Variants in FAM78B observed in about 807,000 individuals in gnomAD.
The protein encoded by FAM78B is family with sequence similarity 78 member B.
A neutral mutation model predicts 20.0 loss-of-function variants in FAM78B; 10 were observed. The ratio of observed to expected loss-of-function variants is 0.50; its 90% CI spans 0.31 to 0.85. The LOEUF is 0.85. FAM78B is among the 40% of genes least tolerant of loss of function. FAM78B has a pLI of 0.05. For synonymous variants in FAM78B, 135 were observed against 132.8 expected (o/e 1.02, Z -0.12); for missense variants, 283 against 345.0 (o/e 0.82, Z 1.42).
intron 1 of FAM78B, among the ~76,000 whole-genome samples, chr1:166,132,994 G>T (rs531810476): frequency 6.6e-6 from 1 of 152,286 alleles, no homozygotes; most frequent in Admixed American, 6.5e-5. Context: ...GCTGATCTAA[G>T]GTTATCAGCA....
chr1:166,130,376 GAGA>G (rs1196664318), intron 1 of FAM78B, among the ~76,000 whole-genome samples: 1 of 152,232 alleles, frequency 6.6e-6, no homozygotes, highest in Non-Finnish European at 1.5e-5. Context: ...TGGAATGCCA[GAGA>G]AGGAGGAAGA....
chr1:166,086,642 T>C (rs1225533436), intron 1 of FAM78B, among the ~76,000 whole-genome samples: 2 of 152,208 alleles, frequency 1.3e-5, no homozygotes, highest in African/African-American at 2.4e-5. Context: ...CACATTTCAC[T>C]GCATGCTGAG....
At position 166,166,309 on chromosome 1, in the gene FAM78B, C is replaced by G. The variant is rs1424301785; in HGVS notation, c.-61G>C. 6 of 1,142,028 alleles carry G rather than the reference C, an allele frequency of 5.3e-6. No homozygotes were observed. The highest frequency in any genetic ancestry group is 1.6e-5 in the African/African-American group (1 of 60,936). The allele number at this position is 1,142,028 out of a possible 1,614,324, so 70.7% of individuals were successfully genotyped here. On this transcript the variant is annotated 5_prime_UTR_variant, in exon 1 of 2. Coordinates refer to ENST00000354422, the MANE Select transcript of FAM78B (RefSeq NM_001017961.5). The stretch of plus-strand genomic sequence containing the variant: ...CAGCGCGGGGGCCCGCGCGGGCAGC[C>G]GGGGGCGCCCGTCACGCCGGCATGG...
At chr1:166,113,790 A>G (rs1376788192) in intron 1 of FAM78B, among the ~76,000 whole-genome samples, 3 of 152,178 alleles carry the variant, frequency 2.0e-5, no homozygotes, top group Non-Finnish European at 2.9e-5. Context: ...CAGGCATAGG[A>G]GATGGGCCAG....
rs188788608 is a variant in FAM78B at position 166,099,760 on chromosome 1, C to G, written c.264-28997G>C. ...AACATATATGTACCTAACACTGAAGCTTGCAAATTTATAAAACAATTACTA... is the reference window on the plus strand; with the variant it reads ...AACATATATGTACCTAACACTGAAGGTTGCAAATTTATAAAACAATTACTA... On this transcript the variant is annotated intron_variant, in intron 1 of 1. Coordinates refer to ENST00000354422, the MANE Select transcript of FAM78B (RefSeq NM_001017961.5). Among the ~76,000 whole-genome samples, 160 of 152,202 alleles carry G rather than the reference C, an allele frequency of 1.1e-3. 1 individual carries two copies. Among genetic ancestry groups the G allele is most frequent in the African/African-American group, 3.7e-3 (155 of 41,502 alleles).
exon 3 of FAM78B, chr1:166,058,765 C>T (rs1651457798): frequency 1.3e-5 from 2 of 152,538 alleles, no homozygotes; most frequent in South Asian, 4.2e-4. Flanking sequence ...CGTGTACACG[C>T]ACTCACACAC....
At chr1:166,155,778 C>A (rs928279480) in intron 1 of FAM78B, among the ~76,000 whole-genome samples, 3 of 152,122 alleles carry the variant, frequency 2.0e-5, no homozygotes, top group African/African-American at 7.2e-5. Context: ...GGAGGCTCAG[C>A]GTGTGTGGTC....
chr1:166,143,098 T>TTA (rs1655335955), intron 1 of FAM78B, among the ~76,000 whole-genome samples: 1 of 152,226 alleles, frequency 6.6e-6, no homozygotes. Context: ...AATTTCCTCA[T>TTA]CTTTAAGTAG....
intron 1 of FAM78B, among the ~76,000 whole-genome samples, chr1:166,159,959 C>T (rs137936683): frequency 6.6e-6 from 1 of 152,236 alleles, no homozygotes; most frequent in South Asian, 2.1e-4. Context: ...AATAAAGGAA[C>T]TGGATCCTGC....
In FAM78B at chr1:166,106,904, CA is replaced by C. The variant is rs752965087; in HGVS notation, c.264-36142del. On this transcript the variant is annotated intron_variant, in intron 1 of 1. Coordinates refer to ENST00000354422, the MANE Select transcript of FAM78B (RefSeq NM_001017961.5). ...AGTTGAAGTTATATCAAAAAACTTT[CA>C]TCAATAAAAACATATACAAAAGTAA... 5.3e-5 allele frequency among the ~76,000 whole-genome samples: 8 copies of C among 151,916 alleles called. No individual in the cohort carries two copies. The South Asian group carries it at 1.7e-3, about 32-fold the overall frequency.
rs189195149 is a variant in FAM78B, at chr1:166,103,419, G to C, written c.264-32656C>G. ...AAAAAATCAATGAATCCAGGAGCTG[G>C]TTTTTTGAAAAGATCAACAAAATTA... is the stretch of plus-strand genomic sequence containing the variant. On this transcript the variant is annotated intron_variant, in intron 1 of 1. Transcript: ENST00000354422. 2.1e-3 allele frequency among the ~76,000 whole-genome samples: 320 copies of C among 152,194 alleles called. 1 individual carries two copies. Among genetic ancestry groups the C allele is most frequent in the African/African-American group, 7.5e-3 (311 of 41,524 alleles).
chr1:166,085,303 C>T (rs186132251), intron 1 of FAM78B, among the ~76,000 whole-genome samples: 1 of 152,246 alleles, frequency 6.6e-6, no homozygotes, highest in East Asian at 1.9e-4. Context: ...GCATAGTTGG[C>T]TGGGGACCCT....
chr1:166,088,998 T>C (rs1652953867), intron 1 of FAM78B, among the ~76,000 whole-genome samples: 1 of 152,058 alleles, frequency 6.6e-6, no homozygotes, highest in African/African-American at 2.4e-5. Context: ...CCACCCCCAA[T>C]AGCTTTCCTT....
At chr1:166,060,243 G>A (rs1458568985) in exon 3 of FAM78B, 1 of 212,176 alleles carries the variant, frequency 4.7e-6, no homozygotes. Context: ...GGAAGGCAGG[G>A]TTTGGGAACC....
intron 1 of FAM78B, among the ~76,000 whole-genome samples, chr1:166,163,433 T>C (rs1459684219): frequency 6.6e-6 from 1 of 152,264 alleles, no homozygotes; most frequent in Non-Finnish European, 1.5e-5. Context: ...TTTCTTTCAA[T>C]CCTGTAAACA....
intron 1 of FAM78B, among the ~76,000 whole-genome samples, chr1:166,160,075 C>T (rs187203470): frequency 1.4e-4 from 21 of 152,192 alleles, no homozygotes; most frequent in African/African-American, 4.1e-4. Flanking sequence ...ATGGAAATGG[C>T]GGGGGGAGAA....
At chr1:166,097,188 G>A (rs1189009104) in intron 1 of FAM78B, among the ~76,000 whole-genome samples, 1 of 152,226 alleles carries the variant, frequency 6.6e-6, no homozygotes, top group Non-Finnish European at 1.5e-5. Context: ...AAATACAGGA[G>A]TAGAGGAAGC....
At chr1:166,115,471 G>A (rs59317225) in intron 1 of FAM78B, among the ~76,000 whole-genome samples, 25,526 of 152,178 alleles carry the variant, frequency 0.17, 2,283 homozygotes, top group East Asian at 0.27. Flanking sequence ...GTAGGGGTGA[G>A]GTCAAAGAGG....
At chr1:166,165,180 G>A (rs1485203098) in intron 1 of FAM78B, 1 of 152,176 alleles carries the variant, frequency 6.6e-6, no homozygotes, top group East Asian at 1.9e-4. Flanking sequence ...GGGCGCCAGG[G>A]GAATCCCTTC....
Sources: allele counts gnomAD v4.1 joint callset (sites outside exome capture counted in the v4.1 genomes callset), GRCh38; gene constraint gnomAD v4.1.1; transcripts MANE v1.5; gene names NCBI Gene and HGNC (gene_info 2026-07-23, HGNC 2026-07-21).